PARN: variants seen among roughly 807,000 people sequenced by gnomAD.
PARN encodes the protein poly(A)-specific ribonuclease.
Under a neutral mutation model 102.8 loss-of-function variants are expected in PARN, and 71 were observed. That is an observed-to-expected ratio of 0.69 (90% CI 0.57 to 0.84). The LOEUF is 0.84. Among genes scored for constraint, PARN ranks in the 40% least tolerant of loss-of-function variants. PARN has a pLI of 0.00. For missense variants in PARN, 782 were observed against 760.9 expected, an observed-to-expected ratio of 1.03 and a Z score of -0.33; for synonymous variants, 261 against 252.9, an observed-to-expected ratio of 1.03 and a Z score of -0.30.
At chr16:14,501,438 A>AAAAAAAAAAAAAAAAAAAAAAAAAC (rs1176843494) in intron 21 of PARN, 1 of 104,310 alleles carries the variant, frequency 9.6e-6, no homozygotes, top group Non-Finnish European at 1.9e-5. Flanking sequence ...GACTGTCCAA[A>AAAAAAAAAAAAAAAAAAAAAAAAAC]AAAAAAAAAA....
At position 14,481,682 on chromosome 16, in the gene PARN, T is replaced by C. The variant is rs570806891; in HGVS notation, c.1670+956A>G. ...ACCATTTTTAAAGTACAGAGGGCAATCTGAAATATTAACAGTGATTGCTTC... is the reference window on the plus strand; with the variant it reads ...ACCATTTTTAAAGTACAGAGGGCAACCTGAAATATTAACAGTGATTGCTTC... On this transcript the variant is annotated intron_variant, in intron 22 of 23. Coordinates refer to ENST00000437198, the MANE Select transcript of PARN (RefSeq NM_002582.4). Among the ~76,000 whole-genome samples, 5 of 152,354 alleles carry C rather than the reference T, an allele frequency of 3.3e-5. No homozygotes were observed. The East Asian group carries it at 9.6e-4, about 29-fold the overall frequency.
chr16:14,499,641 T>G (rs1437339063), intron 21 of PARN, among the ~76,000 whole-genome samples: 1 of 151,810 alleles, frequency 6.6e-6, no homozygotes, highest in African/African-American at 2.4e-5. Context: ...GTGTAGAGCT[T>G]TTTTGTCTAT....
At chr16:14,567,388 A>G (rs1336720674) in intron 18 of PARN, among the ~76,000 whole-genome samples, 1 of 152,164 alleles carries the variant, frequency 6.6e-6, no homozygotes, top group African/African-American at 2.4e-5. Context: ...ACTATTTTTT[A>G]AAGACGTATT....
chr16:14,493,517 T>A (rs556517169), intron 21 of PARN, among the ~76,000 whole-genome samples: 8 of 152,244 alleles, frequency 5.3e-5, no homozygotes, highest in African/African-American at 1.9e-4. Context: ...TGCCCAGCCA[T>A]CTCATTCAAT....
intron 18 of PARN, among the ~76,000 whole-genome samples, chr16:14,573,150 G>A (rs904667814): frequency 6.6e-6 from 1 of 151,944 alleles, no homozygotes; most frequent in African/African-American, 2.4e-5. Context: ...CAAAGTGCTA[G>A]GATTATAGGC....
At chr16:14,619,985 G>C (rs1406739982) in intron 5 of PARN, among the ~76,000 whole-genome samples, 1 of 149,542 alleles carries the variant, frequency 6.7e-6, no homozygotes, top group African/African-American at 2.5e-5. Flanking sequence ...CAGGAGAATG[G>C]TGTGAACCCA....
intron 7 of PARN, among the ~76,000 whole-genome samples, 153 bp from the exon 8 acceptor site, chr16:14,609,276 T>C (rs1398348473): frequency 3.3e-5 from 5 of 152,220 alleles, no homozygotes; most frequent in African/African-American, 1.2e-4. Flanking sequence ...TCAAAGACTT[T>C]TTTAAAAATG....
intron 21 of PARN, among the ~76,000 whole-genome samples, chr16:14,506,634 G>C (rs948344382): frequency 1.3e-5 from 2 of 152,222 alleles, no homozygotes; most frequent in African/African-American, 2.4e-5. Flanking sequence ...TGTCTGCAGA[G>C]AGGGAGACAG....
chr16:14,483,186 A>G (rs3923839), intron 21 of PARN, among the ~76,000 whole-genome samples: 23,957 of 152,280 alleles, frequency 0.16, 2,414 homozygotes, highest in Middle Eastern at 0.27. Context: ...ATGAAAATAA[A>G]CAAAACCACT....
intron 21 of PARN, among the ~76,000 whole-genome samples, chr16:14,547,153 A>C (rs1475571885): frequency 6.6e-6 from 1 of 152,104 alleles, no homozygotes; most frequent in African/African-American, 2.4e-5. Flanking sequence ...AAATTCTCAA[A>C]TGGTGAAGGT....
chr16:14,509,100 G>A (rs960289787), intron 21 of PARN, among the ~76,000 whole-genome samples: 1 of 151,804 alleles, frequency 6.6e-6, no homozygotes, highest in African/African-American at 2.4e-5. Flanking sequence ...TAAGAAAGAC[G>A]CCCCTTTGCA....
intron 21 of PARN, among the ~76,000 whole-genome samples, chr16:14,514,038 A>T (rs181198411): frequency 1.3e-5 from 2 of 152,214 alleles, no homozygotes; most frequent in Non-Finnish European, 2.9e-5. Flanking sequence ...CACAGGGGAC[A>T]TATCATGAAC....
At chr16:14,536,154 AAAT>A (rs1227564660) in intron 21 of PARN, among the ~76,000 whole-genome samples, 5 of 152,224 alleles carry the variant, frequency 3.3e-5, no homozygotes, top group Admixed American at 6.5e-5. Flanking sequence ...TTTAGTTACA[AAAT>A]AATATTATAT....
intron 23 of PARN, among the ~76,000 whole-genome samples, chr16:14,439,436 G>GAGGA (rs1960854326): frequency 7.4e-6 from 1 of 135,860 alleles, no homozygotes; most frequent in African/African-American, 2.6e-5. Context: ...GGGAGGGAGG[G>GAGGA]AGGAAGGGAG....
intron 11 of PARN, among the ~76,000 whole-genome samples, chr16:14,600,656 T>A (rs1461157233): frequency 6.6e-6 from 1 of 151,940 alleles, no homozygotes; most frequent in Non-Finnish European, 1.5e-5. Context: ...ACTGGCTGGG[T>A]GAAGTGGCTC....
intron 22 of PARN, among the ~76,000 whole-genome samples, chr16:14,482,144 T>G (rs1963416535): frequency 6.6e-6 from 1 of 152,112 alleles, no homozygotes; most frequent in African/African-American, 2.4e-5. Context: ...CACCTGTAAT[T>G]CCAGCACTTT....
At chr16:14,629,328 C>G (rs1226896233) in intron 2 of PARN, among the ~76,000 whole-genome samples, 1 of 152,236 alleles carries the variant, frequency 6.6e-6, no homozygotes, top group Non-Finnish European at 1.5e-5. Context: ...CTCAAGCTCT[C>G]TGCAATGTAC....
chr16:14,490,113 G>A (rs767767710), intron 21 of PARN, among the ~76,000 whole-genome samples: 38 of 152,180 alleles, frequency 2.5e-4, no homozygotes, highest in Non-Finnish European at 5.0e-4. Context: ...AACTGAGATC[G>A]TGCCATTGCA....
At chr16:14,576,085 A>C (rs1969116064) in intron 18 of PARN, 1 of 152,406 alleles carries the variant, frequency 6.6e-6, no homozygotes, top group African/African-American at 2.4e-5. Flanking sequence ...TTTATTTTGT[A>C]AATTGCCCTG....
Sources: gnomAD v4.1 joint callset for allele counts (sites outside exome capture counted in the v4.1 genomes callset) on GRCh38, gnomAD v4.1.1 for gene constraint, MANE v1.5 for transcripts, NCBI Gene and HGNC (gene_info 2026-07-23, HGNC 2026-07-21) for gene names.